The following PTK2 variants were observed in gnomAD, a reference collection of about 807,000 sequenced individuals.
PTK2 encodes protein tyrosine kinase 2, also known as focal adhesion kinase 1.
A neutral mutation model predicts 150.1 loss-of-function variants in PTK2; 45 were observed. The ratio of observed to expected loss-of-function variants is 0.30; its 90% confidence interval spans 0.24 to 0.38. The LOEUF is 0.38. PTK2 is among the 10% of genes least tolerant of loss of function. PTK2 has a pLI of 1.00. For missense variants in PTK2, 919 were observed against 1,307.3 expected, an observed-to-expected ratio of 0.70 and a Z score of 4.58; for synonymous variants, 432 against 449.2, an observed-to-expected ratio of 0.96 and a Z score of 0.48.
At chr8:140,759,517 T>G (rs1219514627) in intron 16 of PTK2, among the ~76,000 whole-genome samples, 1 of 95,410 alleles carries the variant, frequency 1.0e-5, no homozygotes, top group Non-Finnish European at 1.9e-5. Flanking sequence ...GGTGACAGAG[T>G]AAGACCCTGT....
exon 29 of PTK2, chr8:140,674,345 G>T: frequency 6.2e-7 from 1 of 1,608,428 alleles, no homozygotes; most frequent in Admixed American, 1.7e-5. Context: ...AGGCTGGCAA[G>T]GCTTCCCAGA....
chr8:140,777,198 A>G lies in PTK2; in HGVS notation c.1177+12276T>C, dbSNP rs527390710. 1.3e-4 allele frequency among the ~76,000 whole-genome samples: 20 copies of G among 152,332 alleles called. No homozygotes were observed. The East Asian group carries it at 3.9e-3, about 29-fold the overall frequency. ...CGGAGACTGGGTAATTTATAAAGAA[A>G]AGACGTTTTAATTGGTTCACAGTTC... On this transcript the variant is annotated intron_variant, in intron 14 of 31. Transcript: ENST00000522684.
chr8:140,999,155 C>A (rs746788179), intron 1 of PTK2, among the ~76,000 whole-genome samples: 1 of 152,194 alleles, frequency 6.6e-6, no homozygotes, highest in Non-Finnish European at 1.5e-5. Context: ...AAACCGTAAA[C>A]ATGGAGTTTT....
intron 15 of PTK2, 172 bp downstream of exon 17, chr8:140,764,062 G>C (rs537124983): frequency 3.1e-6 from 2 of 655,242 alleles, no homozygotes; most frequent in Admixed American, 2.4e-5. Flanking sequence ...TCTGACCTTA[G>C]AGTGGGCATA....
chr8:140,964,659 G>A (rs1191259229), intron 1 of PTK2, among the ~76,000 whole-genome samples: 4 of 143,694 alleles, frequency 2.8e-5, no homozygotes, highest in African/African-American at 7.8e-5. Context: ...GCCTCTCTCC[G>A]CCTCCCAAAG....
In PTK2 at chr8:140,931,928, CAAAAAAA is replaced by C. The variant is rs765792463; in HGVS notation, c.-121-6186_-121-6180del. 3.7e-3 allele frequency among the ~76,000 whole-genome samples: 203 copies of C among 54,636 alleles called. 1 individual carries two copies. The highest frequency in any genetic ancestry group is 8.1e-3 in the Middle Eastern group (1 of 124). The allele number at this position is 54,636 out of a possible 152,430, so 35.8% of individuals were successfully genotyped here. On this transcript the variant is annotated intron_variant, in intron 1 of 31. Transcript: ENST00000522684. ...AGCCTGGGCGACAGAGACCCAGTCT[CAAAAAAA>C]AAAAAAAAAAAAAAAAAAAGCTGCA... is the stretch of plus-strand genomic sequence containing the variant.
intron 2 of PTK2, among the ~76,000 whole-genome samples, chr8:140,902,924 G>GTTTTTTTTTTT (rs61261890): frequency 1.7e-4 from 10 of 58,956 alleles, no homozygotes; most frequent in South Asian, 5.7e-4. Flanking sequence ...GATGAGAGTT[G>GTTTTTTTTTTT]TTTTTTTTTT....
intron 12 of PTK2, among the ~76,000 whole-genome samples, chr8:140,799,900 C>T (rs922408322): frequency 3.9e-5 from 6 of 152,170 alleles, no homozygotes; most frequent in African/African-American, 1.4e-4. Context: ...TCATTTGATT[C>T]TTTCAGAAAT....
chr8:140,761,079 C>T (rs987210188), intron 16 of PTK2, 86 bp downstream of exon 19: 5 of 856,678 alleles, frequency 5.8e-6, no homozygotes, highest in African/African-American at 1.7e-5. Flanking sequence ...CCTAGAAGAA[C>T]TAAGGACTCA....
At chr8:140,694,042 C>CTT (rs797013196) in intron 26 of PTK2, among the ~76,000 whole-genome samples, 77 of 136,946 alleles carry the variant, frequency 5.6e-4, no homozygotes, top group South Asian at 1.2e-3. Flanking sequence ...CTTTTCTTTT[C>CTT]TTTTTTTTTT....
chr8:140,728,462 T>C (rs1046322053), intron 22 of PTK2, among the ~76,000 whole-genome samples: 1 of 152,240 alleles, frequency 6.6e-6, no homozygotes, highest in Non-Finnish European at 1.5e-5. Flanking sequence ...TACTACCTAC[T>C]TCTAAATTAG....
At chr8:140,744,735 A>T (rs766018197) in exon 19 of PTK2, 1 of 1,606,834 alleles carries the variant, frequency 6.2e-7, no homozygotes, top group South Asian at 1.1e-5. Flanking sequence ...CTAGATCCAA[A>T]CTGTATTTCC....
At chr8:140,675,409 C>T (rs2100013058) in intron 28 of PTK2, 51 bp downstream of exon 31, 1 of 1,586,594 alleles carries the variant, frequency 6.3e-7, no homozygotes, top group Non-Finnish European at 8.7e-7. Flanking sequence ...TCAAAACCTG[C>T]TTTCATCAAA....
At chr8:140,923,956 A>G (rs1412256312) in intron 2 of PTK2, among the ~76,000 whole-genome samples, 1 of 152,100 alleles carries the variant, frequency 6.6e-6, no homozygotes, top group East Asian at 1.9e-4. Flanking sequence ...TTGTGCACTG[A>G]TCCTTCCAAA....
At chr8:140,752,702 A>G (rs1423683378) in intron 16 of PTK2, among the ~76,000 whole-genome samples, 2 of 152,286 alleles carry the variant, frequency 1.3e-5, no homozygotes, top group Non-Finnish European at 2.9e-5. Context: ...ATAGTATGTT[A>G]GAAGGTAACC....
At chr8:140,937,611 A>G (rs2100174127) in intron 1 of PTK2, among the ~76,000 whole-genome samples, 1 of 151,936 alleles carries the variant, frequency 6.6e-6, no homozygotes, top group Non-Finnish European at 1.5e-5. Flanking sequence ...ACAAAAAAAC[A>G]AATCTGATTT....
rs748703353 is a variant in PTK2 at position 140,885,127 on chromosome 8, C to T, written c.195+5416G>A. ...GTGTATGGGCATGAAATTATTTGTT[C>T]TAGTCCTTGTAATGTCTTTTTAAAA... On this transcript the variant is annotated intron_variant, in intron 3 of 31. Coordinates refer to ENST00000522684, the Ensembl canonical transcript of PTK2. Among the ~76,000 whole-genome samples, 145 of 152,136 alleles carry T rather than the reference C, an allele frequency of 9.5e-4. 3 individuals are homozygous for T. The highest frequency in any genetic ancestry group is 2.1e-4 in the Non-Finnish European group (14 of 68,020).
intron 7 of PTK2, among the ~76,000 whole-genome samples, chr8:140,835,419 C>T (rs189066060): frequency 6.6e-6 from 1 of 152,272 alleles, no homozygotes; most frequent in Admixed American, 6.5e-5. Context: ...CTTAAATAGG[C>T]ATTTCCATGT....
chr8:140,695,781 T>C (rs1411559478), intron 26 of PTK2, among the ~76,000 whole-genome samples: 1 of 152,178 alleles, frequency 6.6e-6, no homozygotes, highest in Non-Finnish European at 1.5e-5. Flanking sequence ...AGAGTGACCT[T>C]GGGACCACGT....
Sources: allele counts gnomAD v4.1 joint callset (sites outside exome capture counted in the v4.1 genomes callset), GRCh38; gene constraint gnomAD v4.1.1; transcripts MANE v1.5; gene names NCBI Gene and HGNC (gene_info 2026-07-23, HGNC 2026-07-21).